Variants in PELI2 observed in about 807,000 individuals in gnomAD.
The protein encoded by PELI2 is pellino E3 ubiquitin protein ligase family member 2, also known as E3 ubiquitin-protein ligase pellino homolog 2.
In PELI2, 23 loss-of-function variants were observed where a neutral mutation model predicts 42.3. That is an observed-to-expected ratio of 0.54 (90% CI 0.39 to 0.77). PELI2 has a LOEUF of 0.77. Among genes scored for constraint, PELI2 ranks in the 30% least tolerant of loss-of-function variants. The probability of loss-of-function intolerance (pLI) is 0.00; values close to 1 mark genes in which losing one functional copy is unlikely to be tolerated. For synonymous variants in PELI2, 245 were observed against 212.2 expected, an observed-to-expected ratio of 1.15 and a Z score of -1.34; for missense variants, 463 against 553.2, an observed-to-expected ratio of 0.84 and a Z score of 1.64.
intron 1 of PELI2, among the ~76,000 whole-genome samples, chr14:56,147,381 C>CA (rs1884167512): frequency 6.6e-6 from 1 of 152,078 alleles, no homozygotes; most frequent in Admixed American, 6.5e-5. Flanking sequence ...GTATTACTGG[C>CA]AACAAGCCAT....
chr14:56,161,038 C>T (rs1298441254), intron 1 of PELI2, among the ~76,000 whole-genome samples: 1 of 152,134 alleles, frequency 6.6e-6, no homozygotes, highest in East Asian at 1.9e-4. Flanking sequence ...TATGAAACCT[C>T]TCAACAGCCA....
intron 5 of PELI2, among the ~76,000 whole-genome samples, chr14:56,291,240 AAAG>A (rs1311543528): frequency 2.6e-5 from 4 of 152,308 alleles, no homozygotes; most frequent in South Asian, 2.1e-4. Context: ...AGAAGCTAGA[AAAG>A]AAGGAGTTCT....
At chr14:56,282,573 G>A (rs242592) in intron 3 of PELI2, among the ~76,000 whole-genome samples, 138,128 of 151,856 alleles carry the variant, frequency 0.91, 63,089 homozygotes, top group Middle Eastern at 0.95. Context: ...ATGCGTATGT[G>A]TTAGATATTT....
At chr14:56,295,956 G>A (rs1889985657) in intron 5 of PELI2, among the ~76,000 whole-genome samples, 1 of 152,358 alleles carries the variant, frequency 6.6e-6, no homozygotes, top group Non-Finnish European at 1.5e-5. Flanking sequence ...CAGCGGTCAC[G>A]TTCTTGCTGA....
chr14:56,286,132 C>T (rs1340227522), intron 3 of PELI2, among the ~76,000 whole-genome samples: 2 of 152,048 alleles, frequency 1.3e-5, no homozygotes, highest in Non-Finnish European at 2.9e-5. Flanking sequence ...TGAGAAGCTC[C>T]AGAACGTGTG....
intron 2 of PELI2, among the ~76,000 whole-genome samples, chr14:56,253,369 A>G (rs1326625604): frequency 6.6e-6 from 1 of 152,214 alleles, no homozygotes; most frequent in East Asian, 1.9e-4. Context: ...GGCAAGATAA[A>G]GAAATAAAGC....
chr14:56,156,560 A>C (rs1429235446), intron 1 of PELI2, among the ~76,000 whole-genome samples: 1 of 152,186 alleles, frequency 6.6e-6, no homozygotes, highest in Non-Finnish European at 1.5e-5. Flanking sequence ...GACCTTGAGG[A>C]TGCTTCACTT....
intron 2 of PELI2, among the ~76,000 whole-genome samples, chr14:56,278,530 A>G (rs1243271771): frequency 6.6e-6 from 1 of 152,194 alleles, no homozygotes; most frequent in Non-Finnish European, 1.5e-5. Flanking sequence ...TGACCATGTT[A>G]AAGAAGTATT....
chr14:56,295,322 C>T (rs777944835), intron 5 of PELI2, among the ~76,000 whole-genome samples: 2 of 152,144 alleles, frequency 1.3e-5, no homozygotes, highest in African/African-American at 2.4e-5. Flanking sequence ...ATGCCAGCCT[C>T]CCTCTCCCGC....
At chr14:56,198,570 A>G (rs576491195) in intron 2 of PELI2, among the ~76,000 whole-genome samples, 1 of 152,276 alleles carries the variant, frequency 6.6e-6, no homozygotes, top group Admixed American at 6.5e-5. Context: ...GGCAAATCTG[A>G]TGGAGCAGCG....
Position 56,228,472 on chromosome 14 carries a change from A to G in PELI2, c.207+50008A>G, listed in dbSNP as rs1171181187. On this transcript the variant is annotated intron_variant, in intron 2 of 5. Coordinates refer to ENST00000267460, the MANE Select transcript of PELI2 (RefSeq NM_021255.3). ...AGTTGAATATCTTTTATTTATTTTTATTTTGTTCACAGTTAATCATGTATT... is the reference window on the plus strand; with the variant it reads ...AGTTGAATATCTTTTATTTATTTTTGTTTTGTTCACAGTTAATCATGTATT... 4.6e-5 allele frequency among the ~76,000 whole-genome samples: 7 copies of G among 152,292 alleles called. No individual in the cohort carries two copies. In the East Asian group the frequency reaches 1.2e-3, roughly 25 times the overall value.
chr14:56,282,735 T>C (rs1889521448), intron 3 of PELI2, among the ~76,000 whole-genome samples: 1 of 152,162 alleles, frequency 6.6e-6, no homozygotes, highest in Non-Finnish European at 1.5e-5. Flanking sequence ...TATAATCTTA[T>C]AAATGTCTTC....
chr14:56,191,884 T>A (rs1359808613), intron 2 of PELI2, among the ~76,000 whole-genome samples: 2 of 152,176 alleles, frequency 1.3e-5, no homozygotes, highest in African/African-American at 4.8e-5. Context: ...ACCCAGGCTG[T>A]ACTCACACTG....
At chr14:56,286,745 TTTTG>T (rs1246346133) in intron 3 of PELI2, among the ~76,000 whole-genome samples, 1 of 152,178 alleles carries the variant, frequency 6.6e-6, no homozygotes, top group Non-Finnish European at 1.5e-5. Context: ...TTGTTGTTTT[TTTTG>T]TTGTTGTTGT....
rs139740495 is a variant in PELI2, at chr14:56,277,673, A to G, written c.208-2003A>G. Among the ~76,000 whole-genome samples, 989 of 152,216 alleles carry G rather than the reference A, an allele frequency of 6.5e-3. 10 individuals are homozygous for G. The highest frequency in any genetic ancestry group is 0.022 in the African/African-American group (922 of 41,544). The stretch of plus-strand genomic sequence containing the variant: ...ACCACTACTCTAGAGCACCCTGTCC[A>G]TGGCTGTGCTAGGCCTCAGGTGACC... On this transcript the variant is annotated intron_variant, in intron 2 of 5. Transcript: ENST00000267460.
rs548246553 is a variant in PELI2, at chr14:56,181,787, A to T, written c.207+3323A>T. ...ATCTCTATTTGTGTAGTGTTTATTC[A>T]TGTATGTATTTGCTCTTAGAATAAT... On this transcript the variant is annotated intron_variant, in intron 2 of 5. Transcript: ENST00000267460. 9.9e-5 allele frequency among the ~76,000 whole-genome samples: 15 copies of T among 151,136 alleles called. No individual in the cohort carries two copies. The East Asian group carries it at 2.9e-3, about 29-fold the overall frequency.
intron 2 of PELI2, among the ~76,000 whole-genome samples, chr14:56,245,596 C>G (rs1888124208): frequency 6.6e-6 from 1 of 152,080 alleles, no homozygotes; most frequent in African/African-American, 2.4e-5. Context: ...TGATTCTATA[C>G]AGGCAAATTT....
intron 2 of PELI2, among the ~76,000 whole-genome samples, chr14:56,232,081 G>A (rs578223800): frequency 6.6e-6 from 1 of 152,268 alleles, no homozygotes; most frequent in South Asian, 2.1e-4. Context: ...CCCCTGGATA[G>A]ACAAATAGCA....
chr14:56,265,262 A>T (rs1225822063), intron 2 of PELI2, among the ~76,000 whole-genome samples: 1 of 152,158 alleles, frequency 6.6e-6, no homozygotes, highest in Non-Finnish European at 1.5e-5. Flanking sequence ...TAATTAAGAC[A>T]GTGTGGTATT....
Sources: gnomAD v4.1 joint callset for allele counts (sites outside exome capture counted in the v4.1 genomes callset) on GRCh38, gnomAD v4.1.1 for gene constraint, MANE v1.5 for transcripts, NCBI Gene and HGNC (gene_info 2026-07-23, HGNC 2026-07-21) for gene names.